Variants in TAF15 observed in about 807,000 individuals in gnomAD.
TAF15 encodes TATA-box binding protein associated factor 15.
A neutral mutation model predicts 102.5 loss-of-function variants in TAF15; 37 were observed. The ratio of observed to expected loss-of-function variants is 0.36; its 90% CI spans 0.28 to 0.47. The LOEUF is 0.47. TAF15 is among the 20% of genes least tolerant of loss of function. The pLI is 0.99. For synonymous variants in TAF15, 273 were observed against 259.2 expected (o/e 1.05, Z -0.51); for missense variants, 652 against 760.7 (o/e 0.86, Z 1.68).
At chr17:35,836,847 G>A (rs1333233798) in intron 10 of TAF15, among the ~76,000 whole-genome samples, 5 of 151,560 alleles carry the variant, frequency 3.3e-5, no homozygotes, top group Admixed American at 6.6e-5. Context: ...GCGCGATGTC[G>A]GCTCACTGCA....
intron 7 of TAF15, among the ~76,000 whole-genome samples, chr17:35,826,820 C>T (rs2143779520): frequency 6.6e-6 from 1 of 151,074 alleles, no homozygotes; most frequent in East Asian, 1.9e-4. Flanking sequence ...CCCGCCTTGG[C>T]CTCCCAAGAT....
intron 12 of TAF15, among the ~76,000 whole-genome samples, chr17:35,843,321 C>T (rs1159859253): frequency 6.6e-6 from 1 of 151,732 alleles, no homozygotes; most frequent in Non-Finnish European, 1.5e-5. Flanking sequence ...TGGGGTTTCT[C>T]CCATGTTGGT....
intron 7 of TAF15, 183 bp from the exon 8 acceptor site, chr17:35,833,724 C>T (rs996125016): frequency 1.6e-5 from 10 of 611,266 alleles, no homozygotes; most frequent in Admixed American, 1.4e-4. Context: ...GAAATAGATC[C>T]TTGGGAAAAC....
rs190108102 is a variant in TAF15, at chr17:35,845,257, A to G, written c.1739+219A>G. On this transcript the variant is annotated intron_variant, in intron 15 of 15. Transcript: ENST00000605844. ...TTTTTATTTTTTAGAGACAATAAAA[A>G]TTAAATTTAGTGACAGAGACAGGGT... 2.0e-5 allele frequency among the ~76,000 whole-genome samples: 3 copies of G among 152,254 alleles called. No individual in the cohort carries two copies. In the East Asian group the frequency reaches 5.8e-4, roughly 29 times the overall value.
chr17:35,825,067 A>G (rs2087309260), intron 7 of TAF15, among the ~76,000 whole-genome samples: 1 of 152,200 alleles, frequency 6.6e-6, no homozygotes. Flanking sequence ...GAAACTTATC[A>G]GTCATATATC....
intron 7 of TAF15, among the ~76,000 whole-genome samples, chr17:35,832,995 A>T (rs772323839): frequency 9.2e-5 from 14 of 152,076 alleles, no homozygotes; most frequent in Non-Finnish European, 1.8e-4. Flanking sequence ...CATCTCTACT[A>T]AAAACACAGA....
At chr17:35,824,247 T>G in intron 7 of TAF15, 49 bp downstream of exon 7, 1 of 1,603,478 alleles carries the variant, frequency 6.2e-7, no homozygotes, top group Non-Finnish European at 8.5e-7. Context: ...TCCTCTTTTT[T>G]TTTTTTTTAA....
chr17:35,813,640 C>A (rs944594345), intron 1 of TAF15, among the ~76,000 whole-genome samples: 1 of 147,186 alleles, frequency 6.8e-6, no homozygotes, highest in Non-Finnish European at 1.5e-5. Flanking sequence ...TGTCCCCCCC[C>A]CCCCGCAAAA....
intron 1 of TAF15, chr17:35,816,812 C>T (rs2087200805): frequency 7.2e-6 from 1 of 138,368 alleles, no homozygotes; most frequent in African/African-American, 2.9e-5. Flanking sequence ...CACCCCACCC[C>T]CACTTTTTTT....
chr17:35,833,385 A>C (rs1350295156), intron 7 of TAF15: 3 of 154,914 alleles, frequency 1.9e-5, no homozygotes, highest in Non-Finnish European at 2.9e-5. Flanking sequence ...TTCAGTCTCA[A>C]CTTTTGTGTA....
chr17:35,829,090 T>C (rs1338226143), intron 7 of TAF15, among the ~76,000 whole-genome samples: 2 of 152,182 alleles, frequency 1.3e-5, no homozygotes, highest in Non-Finnish European at 2.9e-5. Flanking sequence ...GTCACTTAAA[T>C]GTGGAATTAA....
chr17:35,821,626 T>A (rs2087258995), intron 5 of TAF15, among the ~76,000 whole-genome samples: 1 of 152,130 alleles, frequency 6.6e-6, no homozygotes, highest in African/African-American at 2.4e-5. Context: ...TAAGTAAACC[T>A]ACTGGAACTC....
At chr17:35,828,424 C>T (rs1211867544) in intron 7 of TAF15, among the ~76,000 whole-genome samples, 1 of 152,152 alleles carries the variant, frequency 6.6e-6, no homozygotes, top group African/African-American at 2.4e-5. Flanking sequence ...AATATTTCAT[C>T]ATGCAATCAA....
Position 35,847,013 on chromosome 17 carries a change from G to A in TAF15, c.*68G>A. 1 of 1,571,052 alleles carries A rather than the reference G, an allele frequency of 6.4e-7. No individual in the cohort carries two copies. Among genetic ancestry groups the A allele is most frequent in the East Asian group, 2.2e-5 (1 of 44,624 alleles). On this transcript the variant is annotated 3_prime_UTR_variant, in exon 16 of 16. Coordinates refer to ENST00000605844, the MANE Select transcript of TAF15 (RefSeq NM_139215.3). Reference sequence around the variant, plus strand: ...TGAAATTGCCAGAGTTTTGCCTGCTGCTTTCCTCGTGGCCTCTTCTTGGGT... The same window carrying A: ...TGAAATTGCCAGAGTTTTGCCTGCTACTTTCCTCGTGGCCTCTTCTTGGGT...
intron 1 of TAF15, chr17:35,816,697 G>A (rs1415697569): frequency 1.3e-5 from 2 of 151,974 alleles, no homozygotes; most frequent in African/African-American, 4.8e-5. Context: ...AAAGCCTGAA[G>A]GATAGATAAA....
intron 12 of TAF15, among the ~76,000 whole-genome samples, chr17:35,843,019 G>A (rs570306054): frequency 2.0e-5 from 3 of 152,124 alleles, no homozygotes; most frequent in Non-Finnish European, 4.4e-5. Context: ...ATGAGCCACC[G>A]TGCTTGGCGA....
chr17:35,831,221 T>C (rs964363150), intron 7 of TAF15, among the ~76,000 whole-genome samples: 4 of 152,104 alleles, frequency 2.6e-5, no homozygotes, highest in South Asian at 4.2e-4. Context: ...GCTAACACGG[T>C]GAAACCCCGT....
intron 1 of TAF15, chr17:35,817,450 G>T (rs1187260442): frequency 1.1e-5 from 5 of 453,260 alleles, no homozygotes; most frequent in South Asian, 5.3e-5. Context: ...TCTGTTTAAA[G>T]AATGGATTTT....
chr17:35,825,177 C>T (rs1201740877), intron 7 of TAF15, among the ~76,000 whole-genome samples: 2 of 152,182 alleles, frequency 1.3e-5, no homozygotes, highest in Admixed American at 6.5e-5. Flanking sequence ...TCAAGTGAGC[C>T]AGGATTTGAT....
Sources: gnomAD v4.1 joint callset for allele counts (sites outside exome capture counted in the v4.1 genomes callset) on GRCh38, gnomAD v4.1.1 for gene constraint, MANE v1.5 for transcripts, NCBI Gene and HGNC (gene_info 2026-07-23, HGNC 2026-07-21) for gene names.